Variants in USH2A observed in about 807,000 individuals in gnomAD.
USH2A encodes the protein usherin, also known as Usher syndrome 2A (autosomal recessive, mild).
In USH2A, 443 loss-of-function variants were observed where a neutral mutation model predicts 538.9. The observed-to-expected ratio is 0.82, with a 90% CI of 0.76 to 0.89. The LOEUF (loss-of-function observed/expected upper bound fraction) is 0.89, where lower values mean the gene tolerates loss of function less well. Ranked by LOEUF, USH2A falls within the 40% of genes least tolerant of loss-of-function variation. The pLI is 0.00. For synonymous variants in USH2A, 2,413 were observed against 2,273.5 expected (o/e 1.06, Z -1.75); for missense variants, 6,633 against 6,324.8 (o/e 1.05, Z -1.65).
intron 58 of USH2A, among the ~76,000 whole-genome samples, chr1:215,757,638 A>G (rs548891547): frequency 6.6e-6 from 1 of 152,314 alleles, no homozygotes; most frequent in African/African-American, 2.4e-5. Context: ...TGGAAAGAAA[A>G]GTCCTCCATA....
intron 36 of USH2A, among the ~76,000 whole-genome samples, chr1:215,970,027 A>G (rs1667452795): frequency 6.6e-6 from 1 of 152,200 alleles, no homozygotes; most frequent in African/African-American, 2.4e-5. Context: ...GGAATAGAAA[A>G]CATAATCTTG....
rs953477749 is a variant in USH2A at position 215,624,019 on chromosome 1, T to C, written c.*1762A>G. The C allele has an allele frequency of 6.6e-6, 1 of 152,176 alleles. No homozygotes were observed. The highest frequency in any genetic ancestry group is 2.4e-5 in the African/African-American group (1 of 41,438). The allele number at this position is 152,176 out of a possible 1,614,324, so 9.4% of individuals were successfully genotyped here. A position where few individuals can be genotyped will look rare whatever the true frequency, so the allele number is the denominator to read the frequency against. Reference sequence around the variant, plus strand: ...TTGGTTAATGCTTATTTGTGCCAGCTTTAAACAACTTTATTGTCCCAGAAT... The same window carrying C: ...TTGGTTAATGCTTATTTGTGCCAGCCTTAAACAACTTTATTGTCCCAGAAT... On this transcript the variant is annotated 3_prime_UTR_variant, in exon 72 of 72. Coordinates refer to ENST00000307340, the MANE Select transcript of USH2A (RefSeq NM_206933.4).
rs534878600 is a variant in USH2A, at chr1:216,294,745, A to G, written c.1645-2375T>C. Among the ~76,000 whole-genome samples, 151 of 152,056 alleles carry G rather than the reference A, an allele frequency of 9.9e-4. 1 individual carries two copies. The highest frequency in any genetic ancestry group is 3.5e-3 in the African/African-American group (145 of 41,556). On this transcript the variant is annotated intron_variant, in intron 9 of 71. Coordinates refer to ENST00000307340, the MANE Select transcript of USH2A (RefSeq NM_206933.4). Reference sequence around the variant, plus strand: ...CTTGTGTTCTGCCCATAATTGTTATATCTTCACTATTTTGATTTTAGATAA... The same window carrying G: ...CTTGTGTTCTGCCCATAATTGTTATGTCTTCACTATTTTGATTTTAGATAA...
chr1:216,307,382 A>G (rs1432599250), intron 9 of USH2A, among the ~76,000 whole-genome samples: 1 of 152,084 alleles, frequency 6.6e-6, no homozygotes, highest in Non-Finnish European at 1.5e-5. Flanking sequence ...CCCAGCTCCC[A>G]TGCAACCCAA....
At chr1:215,708,506 G>T (rs765251467) in intron 61 of USH2A, among the ~76,000 whole-genome samples, 4 of 152,186 alleles carry the variant, frequency 2.6e-5, no homozygotes, top group African/African-American at 9.7e-5. Context: ...GGGCACCAGG[G>T]ATCCGTTTCA....
chr1:216,156,592 C>A (rs886424318), intron 21 of USH2A, among the ~76,000 whole-genome samples: 5 of 152,134 alleles, frequency 3.3e-5, no homozygotes, highest in Admixed American at 2.6e-4. Context: ...CAGAGGGCTT[C>A]TTTTTGCTTC....
At chr1:215,657,131 T>C (rs1259016949) in intron 64 of USH2A, among the ~76,000 whole-genome samples, 1 of 152,224 alleles carries the variant, frequency 6.6e-6, no homozygotes, top group Non-Finnish European at 1.5e-5. Context: ...ATTTATGACT[T>C]TGGTTGTTGT....
At chr1:216,308,150 G>A (rs78739029) in intron 9 of USH2A, among the ~76,000 whole-genome samples, 2 of 152,114 alleles carry the variant, frequency 1.3e-5, no homozygotes, top group South Asian at 4.1e-4. Flanking sequence ...ATTTATATAA[G>A]TGTATACAGT....
At chr1:216,189,509 T>C (rs2034672469) in intron 20 of USH2A, among the ~76,000 whole-genome samples, 1 of 152,062 alleles carries the variant, frequency 6.6e-6, no homozygotes, top group South Asian at 2.1e-4. Context: ...TTGGGTTTTA[T>C]AAGTCTTACT....
chr1:216,205,934 C>G (rs1451207466), intron 16 of USH2A, among the ~76,000 whole-genome samples: 1 of 152,120 alleles, frequency 6.6e-6, no homozygotes, highest in East Asian at 1.9e-4. Flanking sequence ...AATTTGATTT[C>G]TATAAGCTCC....
chr1:216,166,252 G>A (rs2034167531), intron 21 of USH2A, among the ~76,000 whole-genome samples: 1 of 151,888 alleles, frequency 6.6e-6, no homozygotes, highest in African/African-American at 2.4e-5. Context: ...AATAGATGAG[G>A]GCATACCCGG....
intron 4 of USH2A, among the ~76,000 whole-genome samples, chr1:216,362,488 A>G (rs912102865): frequency 6.6e-6 from 1 of 152,168 alleles, no homozygotes; most frequent in South Asian, 2.1e-4. Flanking sequence ...TATTTTAATG[A>G]GGTTATAAAT....
At chr1:216,240,984 G>C (rs1462701332) in intron 13 of USH2A, among the ~76,000 whole-genome samples, 1 of 152,174 alleles carries the variant, frequency 6.6e-6, no homozygotes, top group Non-Finnish European at 1.5e-5. Context: ...CCCTTGGAGA[G>C]TTTTGTTTCC....
At chr1:215,843,401 G>A (rs896031349) in intron 46 of USH2A, among the ~76,000 whole-genome samples, 1 of 151,822 alleles carries the variant, frequency 6.6e-6, no homozygotes, top group Non-Finnish European at 1.5e-5. Context: ...TTATGGCTTG[G>A]TACTCCAACA....
intron 8 of USH2A, 63 bp from the exon 9 acceptor site, chr1:216,322,039 T>C: frequency 1.3e-6 from 2 of 1,492,256 alleles, no homozygotes; most frequent in South Asian, 2.3e-5. Flanking sequence ...ATATTTAAGG[T>C]CCTAGGACTA....
intron 21 of USH2A, among the ~76,000 whole-genome samples, chr1:216,110,618 CA>C (rs574382360): frequency 6.6e-4 from 100 of 152,072 alleles, no homozygotes; most frequent in African/African-American, 2.4e-3. Flanking sequence ...TATTTGTATC[CA>C]AATGAGTACA....
intron 70 of USH2A, among the ~76,000 whole-genome samples, chr1:215,630,864 T>TAA (rs564956710): frequency 1.5e-5 from 2 of 135,454 alleles, no homozygotes; most frequent in Non-Finnish European, 1.6e-5. Context: ...ACAAACAAAT[T>TAA]AAAAAAAAAA....
At chr1:215,988,220 T>C (rs534100991) in intron 35 of USH2A, among the ~76,000 whole-genome samples, 22 of 151,968 alleles carry the variant, frequency 1.4e-4, no homozygotes, top group Non-Finnish European at 2.8e-4. Flanking sequence ...TAACCGTAAT[T>C]CTAATTTCTG....
intron 11 of USH2A, among the ~76,000 whole-genome samples, chr1:216,281,558 T>A (rs2036776488): frequency 6.6e-6 from 1 of 152,130 alleles, no homozygotes. Context: ...ACCAGTAATT[T>A]CTTTCTTTTT....
Sources: allele counts gnomAD v4.1 joint callset (sites outside exome capture counted in the v4.1 genomes callset), GRCh38; gene constraint gnomAD v4.1.1; transcripts MANE v1.5; gene names NCBI Gene and HGNC (gene_info 2026-07-23, HGNC 2026-07-21).